The following PTPRN2 variants were observed in gnomAD, a reference collection of about 807,000 sequenced individuals.
The protein encoded by PTPRN2 is protein tyrosine phosphatase receptor type N2.
In PTPRN2, 74 loss-of-function variants were observed where a neutral mutation model predicts 118.8. The ratio of observed to expected loss-of-function variants is 0.62; its 90% CI spans 0.52 to 0.76. The LOEUF (loss-of-function observed/expected upper bound fraction) is 0.76, where lower values mean the gene tolerates loss of function less well. Ranked by LOEUF, PTPRN2 falls within the 30% of genes least tolerant of loss-of-function variation. The probability of loss-of-function intolerance (pLI) is 0.00; values close to 1 mark genes in which losing one functional copy is unlikely to be tolerated. For synonymous variants in PTPRN2, 641 were observed against 608.0 expected (o/e 1.05, Z -0.80); for missense variants, 1,481 against 1,394.4 (o/e 1.06, Z -0.99).
At chr7:158,391,332 C>T (rs1274780929) in intron 2 of PTPRN2, among the ~76,000 whole-genome samples, 5 of 152,174 alleles carry the variant, frequency 3.3e-5, no homozygotes, top group Admixed American at 1.3e-4. Context: ...TCTGAAACCG[C>T]GCTCCCTCTC....
chr7:157,682,296 C>T (rs1251702873), intron 13 of PTPRN2, among the ~76,000 whole-genome samples: 1 of 152,190 alleles, frequency 6.6e-6, no homozygotes, highest in Non-Finnish European at 1.5e-5. Flanking sequence ...AGGGTGGCAA[C>T]TGGGCAGGTC....
intron 12 of PTPRN2, among the ~76,000 whole-genome samples, chr7:157,775,427 C>T (rs1025976260): frequency 7.2e-5 from 11 of 152,148 alleles, no homozygotes; most frequent in East Asian, 1.9e-4. Flanking sequence ...TGGACAGGGC[C>T]GAGGGATGGA....
At chr7:158,501,288 G>T (rs374366464) in intron 1 of PTPRN2, among the ~76,000 whole-genome samples, 1 of 152,114 alleles carries the variant, frequency 6.6e-6, no homozygotes, top group Admixed American at 6.5e-5. Flanking sequence ...CCCCGCCCGG[G>T]GCTACAGCCA....
chr7:158,492,983 G>T (rs1821571158), intron 1 of PTPRN2, among the ~76,000 whole-genome samples: 1 of 152,232 alleles, frequency 6.6e-6, no homozygotes, highest in African/African-American at 2.4e-5. Flanking sequence ...CACAAGGAAA[G>T]CCAACAGCGG....
At chr7:157,693,971 C>A (rs1330483528) in intron 12 of PTPRN2, among the ~76,000 whole-genome samples, 3 of 152,254 alleles carry the variant, frequency 2.0e-5, no homozygotes, top group Non-Finnish European at 4.4e-5. Flanking sequence ...GGGACGCAGA[C>A]CCTGCCGTCT....
At chr7:157,723,745 G>C (rs1187497281) in intron 12 of PTPRN2, among the ~76,000 whole-genome samples, 2 of 152,188 alleles carry the variant, frequency 1.3e-5, no homozygotes, top group Non-Finnish European at 2.9e-5. Flanking sequence ...TCTGATGAAA[G>C]GCAAGCTCTG....
chr7:157,782,538 G>A (rs1803744803), intron 12 of PTPRN2, among the ~76,000 whole-genome samples: 1 of 152,202 alleles, frequency 6.6e-6, no homozygotes, highest in South Asian at 2.1e-4. Context: ...ACACATCCCA[G>A]TTATGTTGTC....
chr7:158,398,682 C>G (rs1340923753), intron 2 of PTPRN2, among the ~76,000 whole-genome samples: 1 of 152,200 alleles, frequency 6.6e-6, no homozygotes, highest in African/African-American at 2.4e-5. Flanking sequence ...CAGAGGTAAG[C>G]ACCCTCAACT....
At chr7:158,447,897 AC>A (rs1817837010) in intron 2 of PTPRN2, among the ~76,000 whole-genome samples, 1 of 152,122 alleles carries the variant, frequency 6.6e-6, no homozygotes, top group Non-Finnish European at 1.5e-5. Flanking sequence ...GTCTTGCCCC[AC>A]CCCGGCTCCT....
intron 2 of PTPRN2, among the ~76,000 whole-genome samples, chr7:158,343,612 T>C (rs1359343367): frequency 6.8e-6 from 1 of 147,636 alleles, no homozygotes; most frequent in Non-Finnish European, 1.5e-5. Context: ...TGGTGGCACA[T>C]GGGCTGTCGC....
Position 157,603,647 on chromosome 7 carries a change from C to T in PTPRN2, c.2418+355G>A, listed in dbSNP as rs1801820512. Among the ~76,000 whole-genome samples the T allele has an allele frequency of 6.6e-6, 1 of 152,188 alleles. No homozygotes were observed. Among genetic ancestry groups the T allele is most frequent in the Admixed American group, 6.5e-5 (1 of 15,288 alleles). On this transcript the variant is annotated intron_variant, in intron 16 of 22. Coordinates refer to ENST00000389418, the MANE Select transcript of PTPRN2 (RefSeq NM_002847.5). The surrounding 1 kb of genome is among the most constrained non-coding windows in gnomAD (Gnocchi z 5.4). ...ACTGAGGCCTCATGTCCCCATGCCCCATGAATATACAGGGAATGTGTAGCT... is the reference window on the plus strand; with the variant it reads ...ACTGAGGCCTCATGTCCCCATGCCCTATGAATATACAGGGAATGTGTAGCT...
At chr7:158,171,248 T>TAC (rs1357193680) in intron 5 of PTPRN2, among the ~76,000 whole-genome samples, 2 of 134,170 alleles carry the variant, frequency 1.5e-5, no homozygotes, top group Non-Finnish European at 3.1e-5. Flanking sequence ...TACACATATA[T>TAC]ACACACATAT....
rs943218914 is a variant in PTPRN2 at position 158,555,897 on chromosome 7, C to T, written c.112+31661G>A. Among the ~76,000 whole-genome samples the T allele has an allele frequency of 3.9e-5, 6 of 152,128 alleles. No homozygotes were observed. Among genetic ancestry groups the T allele is most frequent in the African/African-American group, 1.4e-4 (6 of 41,436 alleles). On this transcript the variant is annotated intron_variant, in intron 1 of 22. Coordinates refer to ENST00000389418, the MANE Select transcript of PTPRN2 (RefSeq NM_002847.5). This position sits in a 1 kb window ranked among gnomAD's most constrained non-coding sequence, Gnocchi z 4.7. ...TCTGTGAACAATAATCACAACATGGCACACACAACACACGTCCCAAAATAA... is the reference window on the plus strand; with the variant it reads ...TCTGTGAACAATAATCACAACATGGTACACACAACACACGTCCCAAAATAA...
intron 11 of PTPRN2, among the ~76,000 whole-genome samples, chr7:158,064,177 T>C (rs1232647285): frequency 6.6e-6 from 1 of 152,074 alleles, no homozygotes; most frequent in Non-Finnish European, 1.5e-5. Context: ...AAACCTGGGG[T>C]GAATTCCACA....
At position 158,438,096 on chromosome 7, in the gene PTPRN2, G is replaced by A. The variant is rs1816702522; in HGVS notation, c.163+51639C>T. Reference sequence around the variant, plus strand: ...CGATGGGTCTTTTTTAAGTTTTTTTGGCCAGGGGCTGTGGCTCACACCTGT... The same window carrying A: ...CGATGGGTCTTTTTTAAGTTTTTTTAGCCAGGGGCTGTGGCTCACACCTGT... On this transcript the variant is annotated intron_variant, in intron 2 of 22. Transcript: ENST00000389418. This position sits in a 1 kb window ranked among gnomAD's most constrained non-coding sequence, Gnocchi z 4.7. Among the ~76,000 whole-genome samples, 1 of 152,008 alleles carries A rather than the reference G, an allele frequency of 6.6e-6. No homozygotes were observed. Among genetic ancestry groups the A allele is most frequent in the African/African-American group, 2.4e-5 (1 of 41,406 alleles).
At chr7:157,765,286 CCCATCCAACCAT>C in intron 12 of PTPRN2, among the ~76,000 whole-genome samples, 2 of 148,094 alleles carry the variant, frequency 1.4e-5, no homozygotes, top group Middle Eastern at 3.7e-3. Context: ...CATTCATCCA[CCCATCCAACCAT>C]CCATCCATCT....
At chr7:157,700,620 C>A (rs1376169999) in intron 12 of PTPRN2, among the ~76,000 whole-genome samples, 1 of 152,228 alleles carries the variant, frequency 6.6e-6, no homozygotes, top group African/African-American at 2.4e-5. Context: ...CCATCCACCA[C>A]CCTCAGCCTC....
At chr7:157,747,728 T>C (rs112750428) in intron 12 of PTPRN2, among the ~76,000 whole-genome samples, 6 of 122,364 alleles carry the variant, frequency 4.9e-5, no homozygotes, top group South Asian at 3.0e-4. Flanking sequence ...GTTGAGGTGA[T>C]TCTGAGGCCT....
intron 11 of PTPRN2, among the ~76,000 whole-genome samples, chr7:157,933,584 G>A (rs527599457): frequency 3.4e-5 from 5 of 148,102 alleles, no homozygotes; most frequent in East Asian, 4.2e-4. Flanking sequence ...TAGAGGAGGG[G>A]TGAGTCACTC....
Sources: allele counts gnomAD v4.1 joint callset (sites outside exome capture counted in the v4.1 genomes callset), GRCh38; gene constraint gnomAD v4.1.1; non-coding constraint Gnocchi (gnomAD v3.1); transcripts MANE v1.5; gene names NCBI Gene and HGNC (gene_info 2026-07-23, HGNC 2026-07-21).